PRDM11: variants seen among roughly 807,000 people sequenced by gnomAD.
The protein encoded by PRDM11 is PR/SET domain 11, also known as PR domain-containing protein 11.
In PRDM11, 20 loss-of-function variants were observed where a neutral mutation model predicts 97.8. The observed-to-expected ratio is 0.20, with a 90% CI of 0.14 to 0.30. PRDM11 has a LOEUF of 0.30. Among genes scored for constraint, PRDM11 ranks in the 10% least tolerant of loss-of-function variants. The pLI is 1.00. For synonymous variants in PRDM11, 599 were observed against 637.7 expected (o/e 0.94, Z 0.91); for missense variants, 1,139 against 1,555.2 (o/e 0.73, Z 4.50).
chr11:45,094,715 G>A (rs1223174267), upstream of PRDM11, among the ~76,000 whole-genome samples: 1 of 110,238 alleles, frequency 9.1e-6, no homozygotes, highest in Non-Finnish European at 1.8e-5. Flanking sequence ...AGGGAGGGAG[G>A]AAAAGACGGA....
In PRDM11 at chr11:45,228,285, A is replaced by ATATATAT. The variant is rs1854328460; in HGVS notation, c.*126_*127insTATATAT. 4 of 331,778 alleles carry ATATATAT rather than the reference A, an allele frequency of 1.2e-5. No homozygotes were observed. The highest frequency in any genetic ancestry group is 1.3e-5 in the Non-Finnish European group (3 of 223,492). 20.6% of individuals were successfully genotyped at this position (331,778 alleles called of 1,614,324 possible). On this transcript the variant is annotated 3_prime_UTR_variant, in exon 8 of 8. Transcript: ENST00000683152. ...TTATATTATATATATATATATATAT[A>ATATATAT]AACTCACACTGAAAATTTTTAAAAA... is the stretch of plus-strand genomic sequence containing the variant.
intron 4 of PRDM11, among the ~76,000 whole-genome samples, chr11:45,191,671 C>CA (rs1468681681): frequency 6.6e-5 from 10 of 152,042 alleles, no homozygotes; most frequent in Non-Finnish European, 1.5e-4. Flanking sequence ...CTTTCTGGCA[C>CA]AAAAAGATAT....
rs995124529 is a variant in PRDM11, at chr11:45,233,819, A to G, written c.*5660A>G. ...GGAGAGACATATCTGCACACTCATAAATTCAATGGCTACTCCAGTCCAGAA... is the reference window on the plus strand; with the variant it reads ...GGAGAGACATATCTGCACACTCATAGATTCAATGGCTACTCCAGTCCAGAA... On this transcript the variant is annotated 3_prime_UTR_variant, in exon 8 of 8. Coordinates refer to ENST00000683152, the MANE Select transcript of PRDM11 (RefSeq NM_001384648.1). The G allele has an allele frequency of 1.3e-5, 2 of 152,258 alleles. No homozygotes were observed. The highest frequency in any genetic ancestry group is 4.8e-5 in the African/African-American group (2 of 41,434). 9.4% of individuals were successfully genotyped at this position (152,258 alleles called of 1,614,324 possible). A position where few individuals can be genotyped will look rare whatever the true frequency, so the allele number is the denominator to read the frequency against.
intron 1 of PRDM11, among the ~76,000 whole-genome samples, chr11:45,105,672 TG>T (rs1400345556): frequency 2.0e-5 from 3 of 152,244 alleles, no homozygotes; most frequent in African/African-American, 7.2e-5. Flanking sequence ...CAGCTTGGCA[TG>T]GCCCTGGCCC....
At chr11:45,182,444 C>A in intron 3 of PRDM11, 95 bp downstream of exon 3, 1 of 1,132,634 alleles carries the variant, frequency 8.8e-7, no homozygotes, top group Non-Finnish European at 1.3e-6. Flanking sequence ...TAAGATAGGT[C>A]CTCACCTGCA....
chr11:45,195,504 C>T (rs1853088828), intron 4 of PRDM11, among the ~76,000 whole-genome samples: 1 of 151,770 alleles, frequency 6.6e-6, no homozygotes, highest in Non-Finnish European at 1.5e-5. Context: ...GCTTCTTTCA[C>T]TTCGCTTCAT....
intron 1 of PRDM11, among the ~76,000 whole-genome samples, chr11:45,174,951 T>A (rs1039584958): frequency 3.3e-5 from 5 of 152,218 alleles, no homozygotes; most frequent in Admixed American, 1.3e-4. Context: ...TTATTTTGTA[T>A]CTATCTTTTC....
chr11:45,188,134 C>A (rs1852776935), intron 4 of PRDM11, among the ~76,000 whole-genome samples: 1 of 152,194 alleles, frequency 6.6e-6, no homozygotes, highest in Admixed American at 6.5e-5. Context: ...CTCCCTCCCT[C>A]AGTATATGCA....
At chr11:45,191,030 G>T (rs1199328620) in intron 4 of PRDM11, among the ~76,000 whole-genome samples, 1 of 152,138 alleles carries the variant, frequency 6.6e-6, no homozygotes, top group Non-Finnish European at 1.5e-5. Context: ...ATCCTTTGTG[G>T]TTTTTTCCCC....
At position 45,149,121 on chromosome 11, in the gene PRDM11, A is replaced by T. The variant is rs745583946; in HGVS notation, c.-7+2244A>T. On this transcript the variant is annotated intron_variant, in intron 1 of 7. Transcript: ENST00000683152. The stretch of plus-strand genomic sequence containing the variant: ...TCCCCTCTTCCCCAGTGTTGTAGTC[A>T]AGCCATCGCTGTCTCTCCCCAGGAC... 1.1e-3 allele frequency among the ~76,000 whole-genome samples: 163 copies of T among 152,248 alleles called. 1 individual carries two copies. The highest frequency in any genetic ancestry group is 3.4e-3 in the Middle Eastern group (1 of 294).
At chr11:45,167,759 C>CCACACACA (rs34333065) in intron 1 of PRDM11, among the ~76,000 whole-genome samples, 126 of 143,324 alleles carry the variant, frequency 8.8e-4, no homozygotes, top group East Asian at 3.6e-3. Flanking sequence ...TCATTTCACA[C>CCACACACA]CACACACACA....
At chr11:45,140,190 T>C (rs1227379603) in intron 1 of PRDM11, among the ~76,000 whole-genome samples, 1 of 152,226 alleles carries the variant, frequency 6.6e-6, no homozygotes, top group East Asian at 1.9e-4. Context: ...CAATGCTACA[T>C]TGCTTTATGG....
At position 45,182,992 on chromosome 11, in the gene PRDM11, G is replaced by T. The variant is rs773536760; in HGVS notation, c.355G>T (p.Val119Leu). Residue 119 changes from valine to leucine, a missense_variant, in exon 4 of 8, where the codon GTG becomes TTG. Around this residue, in one of 2 missense-constraint regions of PRDM11, gnomAD observed 429 missense variants for 510.3 expected, o/e 0.84. Coordinates refer to ENST00000683152, the MANE Select transcript of PRDM11 (RefSeq NM_001384648.1). ...GCTCACCATCCCACAGGGCATGGAG[G>T]TGGTCAAGGACACTAGTGGAGAGAG... ...AALTIPQGME[V>L]VKDTSGESDV... The T allele has an allele frequency of 1.2e-6, 2 of 1,614,136 alleles. No homozygotes were observed. Among genetic ancestry groups the T allele is most frequent in the Admixed American group, 3.3e-5 (2 of 60,034 alleles).
chr11:45,207,853 C>T (rs1432379760), intron 5 of PRDM11, among the ~76,000 whole-genome samples: 3 of 152,180 alleles, frequency 2.0e-5, no homozygotes, highest in African/African-American at 7.2e-5. Flanking sequence ...CCGGCCTTCC[C>T]CTCTTGGTTT....
In PRDM11 at chr11:45,182,970, C is replaced by T. The variant is rs778952826; in HGVS notation, c.333C>T (p.Leu111=). The change falls in exon 4 of 8, where the codon CTC becomes CTT. Residue 111 remains leucine, a synonymous_variant. Transcript: ENST00000683152. ...TGGGCATCCCAGACCGGGCGGCGCT[C>T]ACCATCCCACAGGGCATGGAGGTGG... ...VPVGIPDRAA[L]TIPQGMEVVK... is the part of the protein sequence containing the mutation. The T allele has an allele frequency of 6.8e-6, 11 of 1,613,928 alleles. No individual in the cohort carries two copies. Among genetic ancestry groups the T allele is most frequent in the African/African-American group, 4.0e-5 (3 of 74,928 alleles).
intron 1 of PRDM11, among the ~76,000 whole-genome samples, chr11:45,173,702 C>T (rs1012488092): frequency 1.4e-4 from 22 of 151,970 alleles, no homozygotes; most frequent in African/African-American, 5.3e-4. Context: ...CAGCTATACC[C>T]ATGATGCTTA....
chr11:45,105,390 T>A (rs56396869), intron 1 of PRDM11, among the ~76,000 whole-genome samples: 12,565 of 152,272 alleles, frequency 0.083, 706 homozygotes, highest in Non-Finnish European at 0.13. Flanking sequence ...CTTGAGCTCA[T>A]CTAGTGAGAA....
At chr11:45,191,035 T>C (rs1852894956) in intron 4 of PRDM11, among the ~76,000 whole-genome samples, 1 of 152,250 alleles carries the variant, frequency 6.6e-6, no homozygotes, top group South Asian at 2.1e-4. Flanking sequence ...TTGTGGTTTT[T>C]TCCCCATCCA....
chr11:45,163,494 G>GC (rs1590395539), intron 1 of PRDM11, among the ~76,000 whole-genome samples: 4 of 151,526 alleles, frequency 2.6e-5, no homozygotes, highest in Admixed American at 2.0e-4. Context: ...AGGATGGGGG[G>GC]GGGTACCCGG....
Sources: gnomAD v4.1 joint callset for allele counts (sites outside exome capture counted in the v4.1 genomes callset) on GRCh38, gnomAD v4.1.1 for gene constraint, gnomAD v4.1.1 regional missense constraint, MANE v1.5 for transcripts, NCBI Gene and HGNC (gene_info 2026-07-23, HGNC 2026-07-21) for gene names.